Variants in COL28A1 observed in about 807,000 individuals in gnomAD.
COL28A1 encodes the protein collagen type XXVIII alpha 1 chain, also known as collagen alpha-1(XXVIII) chain.
A neutral mutation model predicts 150.2 loss-of-function variants in COL28A1; 161 were observed. That is an observed-to-expected ratio of 1.07 (90% CI 0.94 to 1.22). The LOEUF (loss-of-function observed/expected upper bound fraction) is 1.22. COL28A1 is among the 50% of genes most tolerant of loss of function. COL28A1 has a pLI of 0.00. For synonymous variants in COL28A1, 552 were observed against 469.7 expected, an observed-to-expected ratio of 1.18 and a Z score of -2.26; for missense variants, 1,617 against 1,388.3, an observed-to-expected ratio of 1.16 and a Z score of -2.62.
chr7:7,358,906 G>T, intron 34 of COL28A1, 101 bp from the exon 35 acceptor site: 1 of 957,734 alleles, frequency 1.0e-6, no homozygotes, highest in Non-Finnish European at 1.5e-6. Context: ...TATTCTTCAT[G>T]CACACTAACA....
At chr7:7,521,152 T>C (rs1781702693) in intron 5 of COL28A1, among the ~76,000 whole-genome samples, 1 of 152,174 alleles carries the variant, frequency 6.6e-6, no homozygotes, top group African/African-American at 2.4e-5. Flanking sequence ...ACTCTAAGGA[T>C]GATATTTGGA....
Position 7,464,217 on chromosome 7 carries a change from C to T in COL28A1, c.1303-8105G>A, listed in dbSNP as rs190608904. The stretch of plus-strand genomic sequence containing the variant: ...AGACAGCAACACAATAATAGTGGGG[C>T]ACTTCAATACTGCACTGACAGCACT... On this transcript the variant is annotated intron_variant, in intron 15 of 34. Coordinates refer to ENST00000399429, the MANE Select transcript of COL28A1 (RefSeq NM_001037763.3). Among the ~76,000 whole-genome samples the T allele has an allele frequency of 1.5e-3, 226 of 152,202 alleles. 2 individuals are homozygous for T. The highest frequency in any genetic ancestry group is 2.6e-3 in the Non-Finnish European group (177 of 67,998).
chr7:7,434,820 G>A (rs531857510), intron 23 of COL28A1, among the ~76,000 whole-genome samples: 2 of 152,172 alleles, frequency 1.3e-5, no homozygotes, highest in African/African-American at 2.4e-5. Flanking sequence ...CTGGATTCAA[G>A]GAAATGTCCT....
chr7:7,408,902 A>T (rs987256886), intron 27 of COL28A1, among the ~76,000 whole-genome samples: 1 of 152,108 alleles, frequency 6.6e-6, no homozygotes, highest in African/African-American at 2.4e-5. Flanking sequence ...CAAATTGATT[A>T]GTTTTCTCTC....
intron 33 of COL28A1, among the ~76,000 whole-genome samples, chr7:7,362,397 G>A (rs1780715720): frequency 1.3e-5 from 2 of 152,082 alleles, no homozygotes; most frequent in African/African-American, 4.8e-5. Flanking sequence ...TCAAATCTGT[G>A]ACTGAGATAG....
intron 27 of COL28A1, among the ~76,000 whole-genome samples, chr7:7,413,160 G>A (rs1006082015): frequency 6.6e-6 from 1 of 152,066 alleles, no homozygotes; most frequent in African/African-American, 2.4e-5. Flanking sequence ...GTTGGATAGA[G>A]GTCACCAAAT....
Position 7,373,906 on chromosome 7 carries a change from A to T in COL28A1, c.2360-360T>A, listed in dbSNP as rs1236497959. Among the ~76,000 whole-genome samples, 2 of 151,126 alleles carry T rather than the reference A, an allele frequency of 1.3e-5. No homozygotes were observed. Among genetic ancestry groups the T allele is most frequent in the Non-Finnish European group, 3.0e-5 (2 of 67,750 alleles). On this transcript the variant is annotated intron_variant, in intron 31 of 34. Coordinates refer to ENST00000399429, the MANE Select transcript of COL28A1 (RefSeq NM_001037763.3). This position sits in a 1 kb window ranked among gnomAD's most constrained non-coding sequence, Gnocchi z 4.1. ...AGTAGAGACAGGGTTTCACCGTGTT[A>T]GCCAAGATGGTCTCGATCTCCTGAC...
chr7:7,430,876 A>G (rs1784923670), intron 25 of COL28A1, among the ~76,000 whole-genome samples: 1 of 152,194 alleles, frequency 6.6e-6, no homozygotes, highest in African/African-American at 2.4e-5. Context: ...TGTAGTCCTG[A>G]GTCAGACCAA....
chr7:7,396,984 C>T (rs985366382), intron 27 of COL28A1, among the ~76,000 whole-genome samples: 1 of 152,180 alleles, frequency 6.6e-6, no homozygotes, highest in Non-Finnish European at 1.5e-5. Flanking sequence ...TTCAGAACGG[C>T]TCCCATGGAA....
the COL28A1 span, among the ~76,000 whole-genome samples, chr7:7,338,906 T>G: frequency 6.6e-6 from 1 of 152,082 alleles, no homozygotes; most frequent in Non-Finnish European, 1.5e-5. Context: ...TGCTCTTTCT[T>G]AGAACCCTGC....
At chr7:7,486,696 A>T (rs563013347) in intron 13 of COL28A1, among the ~76,000 whole-genome samples, 1 of 152,244 alleles carries the variant, frequency 6.6e-6, no homozygotes, top group East Asian at 1.9e-4. Flanking sequence ...TTTTGATGTG[A>T]TCATGTGATC....
chr7:7,359,702 C>T (rs968150302), intron 34 of COL28A1, among the ~76,000 whole-genome samples: 1 of 152,066 alleles, frequency 6.6e-6, no homozygotes, highest in Non-Finnish European at 1.5e-5. Flanking sequence ...AAACATTTTC[C>T]CAGATTTGGG....
intron 8 of COL28A1, chr7:7,511,890 AGTTT>A (rs375751433): frequency 6.8e-6 from 3 of 439,024 alleles, no homozygotes; most frequent in African/African-American, 6.1e-5. Flanking sequence ...TATCAGTGAT[AGTTT>A]ATCATAAATA....
chr7:7,519,932 TG>T, intron 6 of COL28A1, 129 bp downstream of exon 6: 3 of 561,114 alleles, frequency 5.3e-6, no homozygotes, highest in Non-Finnish European at 9.5e-6. Flanking sequence ...GTGGAAATCC[TG>T]TATTCTTCAC....
the COL28A1 span, among the ~76,000 whole-genome samples, chr7:7,341,245 G>A: frequency 6.6e-6 from 1 of 152,122 alleles, no homozygotes; most frequent in Non-Finnish European, 1.5e-5. Context: ...CATCACCAGA[G>A]ATGTGTCAAT....
chr7:7,525,220 C>T (rs1440082021), intron 3 of COL28A1, among the ~76,000 whole-genome samples: 1 of 152,234 alleles, frequency 6.6e-6, no homozygotes, highest in African/African-American at 2.4e-5. Flanking sequence ...CACACTTGGG[C>T]TGCACCTCCT....
intron 25 of COL28A1, among the ~76,000 whole-genome samples, chr7:7,421,718 G>A (rs537761286): frequency 4.4e-4 from 67 of 152,268 alleles, no homozygotes; most frequent in African/African-American, 1.4e-3. Context: ...TTAAAAGGAC[G>A]GGGGCCACTT....
downstream of COL28A1, among the ~76,000 whole-genome samples, chr7:7,351,662 A>T (rs1780232552): frequency 6.6e-6 from 1 of 152,122 alleles, no homozygotes; most frequent in Non-Finnish European, 1.5e-5. Flanking sequence ...AGATTTTTTC[A>T]AAAATTACTA....
intron 27 of COL28A1, among the ~76,000 whole-genome samples, chr7:7,391,739 G>A (rs1583277175): frequency 6.8e-6 from 1 of 147,030 alleles, no homozygotes; most frequent in Non-Finnish European, 1.5e-5. Context: ...GCCCTTCTTT[G>A]TCTTTTTTGA....
Sources: gnomAD v4.1 joint callset for allele counts (sites outside exome capture counted in the v4.1 genomes callset) on GRCh38, gnomAD v4.1.1 for gene constraint, Gnocchi (gnomAD v3.1) non-coding constraint, MANE v1.5 for transcripts, NCBI Gene and HGNC (gene_info 2026-07-23, HGNC 2026-07-21) for gene names.